ADGRB3: variants seen among roughly 807,000 people sequenced by gnomAD.
ADGRB3 encodes the protein adhesion G protein-coupled receptor B3.
ADGRB3 carries 37 observed loss-of-function variants against 193.4 expected under a neutral mutation model. The ratio of observed to expected loss-of-function variants is 0.19; its 90% confidence interval spans 0.15 to 0.25. ADGRB3 has a LOEUF of 0.25. ADGRB3 is among the 10% of genes least tolerant of loss of function. ADGRB3 has a pLI of 1.00. For synonymous variants in ADGRB3, 690 were observed against 644.2 expected (o/e 1.07, Z -1.08); for missense variants, 1,637 against 1,852.9 (o/e 0.88, Z 2.14).
chr6:69,150,876 C>A (rs1774655660), intron 17 of ADGRB3, among the ~76,000 whole-genome samples: 1 of 152,178 alleles, frequency 6.6e-6, no homozygotes, highest in African/African-American at 2.4e-5. Flanking sequence ...CCTTCTGGCA[C>A]AGGGTATGTT....
intron 26 of ADGRB3, among the ~76,000 whole-genome samples, chr6:69,346,730 TAGGA>T (rs1769096872): frequency 6.6e-6 from 1 of 152,046 alleles, no homozygotes; most frequent in Non-Finnish European, 1.5e-5. Flanking sequence ...TGTGGAGAAA[TAGGA>T]AGGCTTTTAC....
intron 11 of ADGRB3, among the ~76,000 whole-genome samples, 161 bp downstream of exon 11, chr6:68,994,123 T>C (rs1192071102): frequency 6.6e-6 from 1 of 152,144 alleles, no homozygotes; most frequent in Non-Finnish European, 1.5e-5. Context: ...GTTCCCTTAG[T>C]CATTCTCCAC....
intron 20 of ADGRB3, among the ~76,000 whole-genome samples, chr6:69,269,739 C>A (rs1767131990): frequency 6.6e-6 from 1 of 152,086 alleles, no homozygotes; most frequent in Non-Finnish European, 1.5e-5. Context: ...TTTATTATTA[C>A]CATATGGTTT....
intron 20 of ADGRB3, among the ~76,000 whole-genome samples, chr6:69,273,215 A>T (rs1034090932): frequency 2.0e-5 from 3 of 152,048 alleles, no homozygotes; most frequent in African/African-American, 7.2e-5. Context: ...TACCAGTCTA[A>T]ATTCTCTCCC....
chr6:69,122,820 G>T (rs187099339), intron 17 of ADGRB3, among the ~76,000 whole-genome samples: 1 of 151,912 alleles, frequency 6.6e-6, no homozygotes, highest in East Asian at 1.9e-4. Context: ...GAACAAAGCT[G>T]GTTTCAAACA....
chr6:68,951,997 A>T (rs181107959), intron 6 of ADGRB3, among the ~76,000 whole-genome samples: 1 of 152,318 alleles, frequency 6.6e-6, no homozygotes, highest in African/African-American at 2.4e-5. Flanking sequence ...GAGTGTTTAT[A>T]AAAAAAGAAA....
intron 3 of ADGRB3, among the ~76,000 whole-genome samples, chr6:68,774,783 T>A (rs962570285): frequency 3.9e-5 from 6 of 152,182 alleles, no homozygotes; most frequent in Admixed American, 1.3e-4. Flanking sequence ...AAACACTAAT[T>A]TTCATGTGAA....
intron 20 of ADGRB3, among the ~76,000 whole-genome samples, chr6:69,296,069 A>G (rs1355120580): frequency 6.6e-6 from 1 of 152,140 alleles, no homozygotes; most frequent in Admixed American, 6.6e-5. Context: ...GAGTTATGTT[A>G]TCCTATTGCT....
At chr6:69,348,018 T>C (rs1308524348) in intron 26 of ADGRB3, among the ~76,000 whole-genome samples, 1 of 152,134 alleles carries the variant, frequency 6.6e-6, no homozygotes, top group Non-Finnish European at 1.5e-5. Flanking sequence ...CAGGGAAATG[T>C]AAATTCTAAT....
At chr6:69,229,324 C>A (rs567913631) in intron 17 of ADGRB3, among the ~76,000 whole-genome samples, 1 of 151,846 alleles carries the variant, frequency 6.6e-6, no homozygotes, top group Admixed American at 6.6e-5. Flanking sequence ...GCATATGCAC[C>A]AAAAGTAATA....
intron 20 of ADGRB3, among the ~76,000 whole-genome samples, chr6:69,299,099 T>C (rs752115246): frequency 6.6e-6 from 1 of 151,994 alleles, no homozygotes; most frequent in Non-Finnish European, 1.5e-5. Flanking sequence ...TGATATCTTA[T>C]TGTAGTTTTG....
At chr6:69,072,732 A>G (rs373485807) in intron 16 of ADGRB3, among the ~76,000 whole-genome samples, 3 of 152,318 alleles carry the variant, frequency 2.0e-5, no homozygotes, top group East Asian at 3.9e-4. Context: ...GCATACTCCC[A>G]TACTCTTCAC....
At chr6:68,772,923 A>ATG (rs1265640620) in intron 3 of ADGRB3, among the ~76,000 whole-genome samples, 1 of 69,114 alleles carries the variant, frequency 1.4e-5, no homozygotes, top group Non-Finnish European at 2.7e-5. Flanking sequence ...ATATATATAT[A>ATG]TATATATATA....
Position 69,015,914 on chromosome 6 carries a change from G to A in ADGRB3, c.1998+1808G>A, listed in dbSNP as rs190394993. Reference sequence around the variant, plus strand: ...CCATATGGCTGGAGTTAACAAGTCCGGTTTAGTCAAGACAAGTCATTTTAG... The same window carrying A: ...CCATATGGCTGGAGTTAACAAGTCCAGTTTAGTCAAGACAAGTCATTTTAG... On this transcript the variant is annotated intron_variant, in intron 12 of 31. Transcript: ENST00000370598. 2.6e-4 allele frequency among the ~76,000 whole-genome samples: 40 copies of A among 151,866 alleles called. No homozygotes were observed. The East Asian group carries it at 5.0e-3, about 19-fold the overall frequency.
At position 69,022,403 on chromosome 6, in the gene ADGRB3, C is replaced by CA. The variant is rs566858640; in HGVS notation, c.2107+3906dup. Among the ~76,000 whole-genome samples the CA allele has an allele frequency of 6.6e-4, 100 of 151,824 alleles. 1 individual carries two copies. The South Asian group carries it at 0.011, about 17-fold the overall frequency. ...TATTTTTAAAAAGTTATTTTTTCAA[C>CA]AAGACAGAAAGTTATTTTTCAATGA... On this transcript the variant is annotated intron_variant, in intron 13 of 31. Transcript: ENST00000370598.
intron 3 of ADGRB3, among the ~76,000 whole-genome samples, chr6:68,775,984 G>A (rs1030817356): frequency 1.3e-5 from 2 of 152,086 alleles, no homozygotes; most frequent in Admixed American, 6.6e-5. Flanking sequence ...TTGGGGAGTC[G>A]ATGTAGAATT....
intron 3 of ADGRB3, among the ~76,000 whole-genome samples, chr6:68,652,242 C>CCA (rs1768383957): frequency 6.6e-6 from 1 of 152,122 alleles, no homozygotes; most frequent in Non-Finnish European, 1.5e-5. Context: ...CAATCTCCTG[C>CCA]CAGGACTCAG....
At chr6:69,359,320 AT>A (rs1769397250) in intron 28 of ADGRB3, among the ~76,000 whole-genome samples, 1 of 151,548 alleles carries the variant, frequency 6.6e-6, no homozygotes, top group Non-Finnish European at 1.5e-5. Context: ...ACTCCTGGAA[AT>A]TACAACTCAT....
chr6:68,940,229 T>A (rs1343590159), intron 5 of ADGRB3, among the ~76,000 whole-genome samples: 2 of 152,182 alleles, frequency 1.3e-5, no homozygotes. Flanking sequence ...TAGCACAATT[T>A]ATTGCCCTAG....
Sources: allele counts gnomAD v4.1 joint callset (sites outside exome capture counted in the v4.1 genomes callset), GRCh38; gene constraint gnomAD v4.1.1; transcripts MANE v1.5; gene names NCBI Gene and HGNC (gene_info 2026-07-23, HGNC 2026-07-21).